HYKK: variants seen among roughly 807,000 people sequenced by gnomAD.
HYKK encodes the protein 5-hydroxy-L-lysine kinase.
A neutral mutation model predicts 29.7 loss-of-function variants in HYKK; 19 were observed. That is an observed-to-expected ratio of 0.64 (90% confidence interval 0.45 to 0.94). The LOEUF (loss-of-function observed/expected upper bound fraction) is 0.94. Ranked by LOEUF, HYKK falls within the 40% of genes least tolerant of loss-of-function variation. The probability of loss-of-function intolerance (pLI) is 0.00; values close to 1 mark genes in which losing one functional copy is unlikely to be tolerated. For synonymous variants in HYKK, 152 were observed against 158.1 expected, an observed-to-expected ratio of 0.96 and a Z score of 0.29; for missense variants, 390 against 443.4, an observed-to-expected ratio of 0.88 and a Z score of 1.08.
intron 3 of HYKK, among the ~76,000 whole-genome samples, chr15:78,523,141 T>A (rs2052215332): frequency 6.6e-6 from 1 of 152,168 alleles, no homozygotes; most frequent in African/African-American, 2.4e-5. Context: ...AAGAAATACC[T>A]GAGACTGGGT....
intron 3 of HYKK, among the ~76,000 whole-genome samples, chr15:78,523,318 C>T (rs151109765): frequency 4.7e-4 from 71 of 152,162 alleles, no homozygotes; most frequent in African/African-American, 1.6e-3. Context: ...GAGAGCAAGC[C>T]GGGGGTGCTG....
chr15:78,515,519 T>C (rs1596028284), intron 3 of HYKK, among the ~76,000 whole-genome samples: 1 of 148,540 alleles, frequency 6.7e-6, no homozygotes, highest in Admixed American at 6.7e-5. Context: ...GAGGTGGAGG[T>C]TGCAGTGAGC....
In HYKK at chr15:78,534,602, G is replaced by A. The variant is rs1340435446; in HGVS notation, c.*932G>A. 1 of 152,076 alleles carries A rather than the reference G, an allele frequency of 6.6e-6. No individual in the cohort carries two copies. The highest frequency in any genetic ancestry group is 1.5e-5 in the Non-Finnish European group (1 of 68,030). The allele number at this position is 152,076 out of a possible 1,614,324, so 9.4% of individuals were successfully genotyped here. On this transcript the variant is annotated 3_prime_UTR_variant, in exon 5 of 5. Coordinates refer to ENST00000388988, the MANE Select transcript of HYKK (RefSeq NM_001013619.4). ...TATTATAGTGCCTTTCCTACAGAGA[G>A]GTCTTTAAAAATATTTGAAAATAAA...
intron 3 of HYKK, among the ~76,000 whole-genome samples, chr15:78,519,259 A>T (rs2052167174): frequency 6.6e-6 from 1 of 152,202 alleles, no homozygotes; most frequent in African/African-American, 2.4e-5. Context: ...TTATTCAACA[A>T]ATATTTATTG....
rs1347436406 is a variant in HYKK at position 78,533,501 on chromosome 15, T to C, written c.953T>C (p.Val318Ala). The C allele has an allele frequency of 6.2e-7, 1 of 1,614,238 alleles. No homozygotes were observed. The highest frequency in any genetic ancestry group is 8.5e-7 in the Non-Finnish European group (1 of 1,180,030). ...TGCAGTCGTTTTTGTCAGTCACTTG[T>C]CATGGCTGCATACTCTTGCCAGCTA... Reference protein sequence around the residue: ...LVCSRFCQSLVMAAYSCQLYP... With the variant: ...LVCSRFCQSLAMAAYSCQLYP... Residue 318 changes from valine (V) to alanine (A), a missense_variant, in exon 5 of 5, where the codon GTC becomes GCC. Physicochemically the swap from Val to Ala is moderately conservative, Grantham distance 64. Transcript: ENST00000388988.
At position 78,533,290 on chromosome 15, in the gene HYKK, G is replaced by C; in HGVS notation, c.742G>C (p.Val248Leu). The C allele has an allele frequency of 6.2e-7, 1 of 1,614,038 alleles. No individual in the cohort carries two copies. Among genetic ancestry groups the C allele is most frequent in the South Asian group, 1.1e-5 (1 of 91,076 alleles). The change falls in exon 5 of 5, where the codon GTG becomes CTG. Residue 248 changes from valine (V) to leucine (L), a missense_variant. Physicochemically the swap from Val to Leu is conservative, Grantham distance 32. Transcript: ENST00000388988. Reference protein sequence around the residue: ...KSASGNAEYQVSGILDFGDMS... With the variant: ...KSASGNAEYQLSGILDFGDMS... ...AGCCTCTGGAAATGCTGAATATCAA[G>C]TGTCTGGGATTTTAGACTTTGGTGA...
intron 3 of HYKK, among the ~76,000 whole-genome samples, chr15:78,520,976 C>A (rs923353537): frequency 2.6e-5 from 4 of 151,992 alleles, no homozygotes; most frequent in South Asian, 2.1e-4. Flanking sequence ...CTGACCCCCC[C>A]ACCTCCCTCC....
At chr15:78,508,679 A>G (rs550404125) in intron 1 of HYKK, among the ~76,000 whole-genome samples, 1 of 152,126 alleles carries the variant, frequency 6.6e-6, no homozygotes, top group South Asian at 2.1e-4. Context: ...AGTAGGAAAA[A>G]AAGTTAATAA....
intron 1 of HYKK, among the ~76,000 whole-genome samples, chr15:78,510,024 G>A (rs1376674980): frequency 6.6e-6 from 1 of 152,098 alleles, no homozygotes; most frequent in Non-Finnish European, 1.5e-5. Flanking sequence ...CAGGGGCTAG[G>A]GGGTGGTTAG....
intron 2 of HYKK, among the ~76,000 whole-genome samples, chr15:78,513,725 CAG>C (rs2052098939): frequency 6.6e-6 from 1 of 152,198 alleles, no homozygotes; most frequent in African/African-American, 2.4e-5. Context: ...TTGTGGAAAT[CAG>C]GGGAATATTT....
chr15:78,510,409 G>A (rs934220009), intron 1 of HYKK, among the ~76,000 whole-genome samples: 39 of 151,894 alleles, frequency 2.6e-4, no homozygotes, highest in African/African-American at 8.2e-4. Flanking sequence ...ATGTTGGCCA[G>A]GCTGGTCTCA....
At chr15:78,521,409 G>A (rs1780862556) in intron 3 of HYKK, among the ~76,000 whole-genome samples, 3 of 151,994 alleles carry the variant, frequency 2.0e-5, no homozygotes, top group Admixed American at 6.6e-5. Flanking sequence ...ATGGGAGCTG[G>A]GGTATGGGGT....
At chr15:78,517,898 AG>A (rs1220318323) in intron 3 of HYKK, among the ~76,000 whole-genome samples, 1 of 152,200 alleles carries the variant, frequency 6.6e-6, no homozygotes, top group East Asian at 1.9e-4. Flanking sequence ...TAATCTTTTC[AG>A]GTGGCTCGTT....
intron 3 of HYKK, among the ~76,000 whole-genome samples, chr15:78,526,135 T>C (rs1169018492): frequency 2.6e-5 from 4 of 152,182 alleles, no homozygotes; most frequent in Non-Finnish European, 5.9e-5. Flanking sequence ...GATAGAGTGG[T>C]CAAAGTCTAA....
rs151211237 is a variant in HYKK at position 78,517,514 on chromosome 15, G to C, written c.477+2407G>C. ...GAATTACTTGAACCCAGGAGGTGGG[G>C]GTTGCAGTGAACCAAGATTGCACCA... On this transcript the variant is annotated intron_variant, in intron 3 of 4. Coordinates refer to ENST00000388988, the MANE Select transcript of HYKK (RefSeq NM_001013619.4). 9.2e-3 allele frequency among the ~76,000 whole-genome samples: 1,394 copies of C among 152,062 alleles called. 12 individuals are homozygous for C. Among genetic ancestry groups the C allele is most frequent in the Middle Eastern group, 0.017 (5 of 294 alleles).
chr15:78,514,307 ACAGCC>A (rs2052104800), intron 2 of HYKK, among the ~76,000 whole-genome samples: 1 of 152,180 alleles, frequency 6.6e-6, no homozygotes, highest in South Asian at 2.1e-4. Context: ...CATCTGTGAG[ACAGCC>A]CTTTTCACCT....
chr15:78,532,207 G>A (rs1302604456), intron 4 of HYKK, among the ~76,000 whole-genome samples: 3 of 152,092 alleles, frequency 2.0e-5, no homozygotes, highest in East Asian at 1.9e-4. Flanking sequence ...CATGATTCAC[G>A]TACAGTTCAT....
chr15:78,526,561 G>T (rs948103259), intron 3 of HYKK, among the ~76,000 whole-genome samples: 3 of 152,192 alleles, frequency 2.0e-5, no homozygotes, highest in Admixed American at 1.3e-4. Flanking sequence ...AAAGCAAAAG[G>T]CTGTGAGGTG....
chr15:78,513,495 A>G, intron 2 of HYKK, 70 bp downstream of exon 2: 1 of 1,066,954 alleles, frequency 9.4e-7, no homozygotes, highest in Non-Finnish European at 1.4e-6. Context: ...CACAAGTAGA[A>G]CTATGAAGAG....
Sources: gnomAD v4.1 joint callset for allele counts (sites outside exome capture counted in the v4.1 genomes callset) on GRCh38, gnomAD v4.1.1 for gene constraint, MANE v1.5 for transcripts, NCBI Gene and HGNC (gene_info 2026-07-23, HGNC 2026-07-21) for gene names.